AGTPBP1: variants seen among roughly 807,000 people sequenced by gnomAD.
AGTPBP1 encodes ATP/GTP binding carboxypeptidase 1, also known as cytosolic carboxypeptidase 1.
Under a neutral mutation model 143.9 loss-of-function variants are expected in AGTPBP1, and 70 were observed. The ratio of observed to expected loss-of-function variants is 0.49; its 90% confidence interval spans 0.40 to 0.59. The LOEUF (loss-of-function observed/expected upper bound fraction) is 0.59, where lower values mean the gene tolerates loss of function less well. Ranked by LOEUF, AGTPBP1 falls within the 20% of genes least tolerant of loss-of-function variation. The pLI is 0.00. For synonymous variants in AGTPBP1, 463 were observed against 500.2 expected (o/e 0.93, Z 0.99); for missense variants, 1,229 against 1,464.5 (o/e 0.84, Z 2.62).
At chr9:85,796,595 T>C in the AGTPBP1 span, among the ~76,000 whole-genome samples, 1 of 151,932 alleles carries the variant, frequency 6.6e-6, no homozygotes, top group African/African-American at 2.4e-5. Context: ...TTCAAGTAGA[T>C]ACATCTACAG....
intron 2 of AGTPBP1, among the ~76,000 whole-genome samples, chr9:85,707,670 A>C (rs935474944): frequency 1.3e-5 from 2 of 152,224 alleles, no homozygotes; most frequent in Admixed American, 1.3e-4. Flanking sequence ...TAACATTTTC[A>C]CAGGAAAGTA....
intron 1 of AGTPBP1, among the ~76,000 whole-genome samples, chr9:85,726,601 G>T (rs780487957): frequency 4.6e-5 from 7 of 152,204 alleles, no homozygotes; most frequent in South Asian, 2.1e-4. Flanking sequence ...ATGCAAATAA[G>T]TATCAATGGA....
intron 3 of AGTPBP1, 145 bp downstream of exon 3, chr9:85,692,544 G>A: frequency 2.1e-6 from 2 of 942,054 alleles, no homozygotes; most frequent in South Asian, 1.7e-5. Flanking sequence ...AAAGTGCTGG[G>A]ATTACAGGTG....
chr9:85,759,660 G>A, the AGTPBP1 span, among the ~76,000 whole-genome samples: 6 of 152,242 alleles, frequency 3.9e-5, no homozygotes, highest in African/African-American at 1.2e-4. Flanking sequence ...ATGCCCACAA[G>A]AGAAAGCAGG....
At chr9:85,673,202 T>C (rs1834600904) in intron 6 of AGTPBP1, among the ~76,000 whole-genome samples, 1 of 152,124 alleles carries the variant, frequency 6.6e-6, no homozygotes, top group Admixed American at 6.5e-5. Flanking sequence ...TTTTAAAACA[T>C]TAGTTGAAAG....
At chr9:85,563,048 T>C (rs754537049) in intron 25 of AGTPBP1, among the ~76,000 whole-genome samples, 3 of 152,156 alleles carry the variant, frequency 2.0e-5, no homozygotes, top group Non-Finnish European at 4.4e-5. Flanking sequence ...AGACACTGAA[T>C]CTGCTGATGC....
At chr9:85,687,993 G>A (rs151228075) in intron 3 of AGTPBP1, among the ~76,000 whole-genome samples, 2,535 of 150,726 alleles carry the variant, frequency 0.017, 25 homozygotes, top group Middle Eastern at 0.056. Flanking sequence ...AGGGGGCTGA[G>A]GCAGGAGAAT....
chr9:85,803,395 C>G, the AGTPBP1 span, among the ~76,000 whole-genome samples: 1 of 152,310 alleles, frequency 6.6e-6, no homozygotes, highest in South Asian at 2.1e-4. Context: ...CTATTCTCCT[C>G]CCATTTTCTG....
the AGTPBP1 span, among the ~76,000 whole-genome samples, chr9:85,792,021 A>G: frequency 1.3e-5 from 2 of 152,210 alleles, no homozygotes; most frequent in Non-Finnish European, 2.9e-5. Flanking sequence ...CAAACAAAAA[A>G]ATTGCTGTAG....
At chr9:85,549,073 A>T (rs1825891993) in intron 25 of AGTPBP1, among the ~76,000 whole-genome samples, 1 of 152,214 alleles carries the variant, frequency 6.6e-6, no homozygotes, top group African/African-American at 2.4e-5. Flanking sequence ...GAGGAGTCCC[A>T]GGTGATTCTT....
chr9:85,728,025 T>TATA (rs1838618428), intron 1 of AGTPBP1, among the ~76,000 whole-genome samples: 1 of 80,358 alleles, frequency 1.2e-5, no homozygotes, highest in African/African-American at 5.2e-5. Flanking sequence ...AAATATATAT[T>TATA]TATATACACA....
chr9:85,785,331 C>T, the AGTPBP1 span, among the ~76,000 whole-genome samples: 4 of 150,026 alleles, frequency 2.7e-5, no homozygotes, highest in Non-Finnish European at 5.9e-5. Context: ...GAGACTCCGT[C>T]TCAAAAAAAA....
At chr9:85,732,566 A>T (rs1213079582) in intron 1 of AGTPBP1, among the ~76,000 whole-genome samples, 2 of 152,214 alleles carry the variant, frequency 1.3e-5, no homozygotes, top group East Asian at 3.8e-4. Context: ...ATAAAATATG[A>T]GGAATAAAAA....
upstream of AGTPBP1, chr9:85,742,161 C>A: frequency 2.1e-6 from 1 of 486,866 alleles, no homozygotes; most frequent in Non-Finnish European, 2.8e-6. Flanking sequence ...AGGGAGCGCG[C>A]GCGTGGGGGC....
intron 2 of AGTPBP1, among the ~76,000 whole-genome samples, chr9:85,696,480 C>A (rs879908107): frequency 2.9e-4 from 44 of 151,996 alleles, no homozygotes; most frequent in Non-Finnish European, 6.0e-4. Context: ...CCAGCCTGGT[C>A]AACACGGTGA....
At chr9:85,567,384 A>G (rs1233527149) in intron 25 of AGTPBP1, among the ~76,000 whole-genome samples, 1 of 152,192 alleles carries the variant, frequency 6.6e-6, no homozygotes, top group African/African-American at 2.4e-5. Flanking sequence ...TGAGGTCAGG[A>G]GTTCAAGACC....
chr9:85,754,388 C>T, the AGTPBP1 span, among the ~76,000 whole-genome samples: 1 of 152,154 alleles, frequency 6.6e-6, no homozygotes. Flanking sequence ...GACGGGGTTT[C>T]ACCATGTTAG....
At chr9:85,735,232 C>T (rs534245575) in intron 1 of AGTPBP1, among the ~76,000 whole-genome samples, 8 of 152,206 alleles carry the variant, frequency 5.3e-5, no homozygotes, top group Non-Finnish European at 1.0e-4. Flanking sequence ...ACAACATGAA[C>T]GAACCTTGAA....
At chr9:85,554,468 C>T (rs1826212847) in intron 25 of AGTPBP1, among the ~76,000 whole-genome samples, 1 of 152,140 alleles carries the variant, frequency 6.6e-6, no homozygotes, top group South Asian at 2.1e-4. Flanking sequence ...AGAGGAGGAG[C>T]CTAGGCCTTC....
Sources: gnomAD v4.1 joint callset for allele counts (sites outside exome capture counted in the v4.1 genomes callset) on GRCh38, gnomAD v4.1.1 for gene constraint, MANE v1.5 for transcripts, NCBI Gene and HGNC (gene_info 2026-07-23, HGNC 2026-07-21) for gene names.